NR1I2: variants seen among roughly 807,000 people sequenced by gnomAD.
NR1I2 encodes the protein nuclear receptor subfamily 1 group I member 2.
Under a neutral mutation model 43.3 loss-of-function variants are expected in NR1I2, and 42 were observed. That is an observed-to-expected ratio of 0.97 (90% confidence interval 0.76 to 1.26). NR1I2 has a LOEUF of 1.26. NR1I2 is among the 50% of genes most tolerant of loss of function. NR1I2 has a pLI of 0.00. For missense variants in NR1I2, 559 were observed against 566.7 expected (o/e 0.99, Z 0.14); for synonymous variants, 229 against 215.0 (o/e 1.06, Z -0.57).
At chr3:119,816,019 G>A (rs767430619) in intron 8 of NR1I2, among the ~76,000 whole-genome samples, 188 bp downstream of exon 8, 3 of 152,172 alleles carry the variant, frequency 2.0e-5, no homozygotes, top group East Asian at 1.9e-4. Flanking sequence ...ACAGGGGGAC[G>A]TGGCCCAGAA....
At chr3:119,815,173 A>G in intron 6 of NR1I2, 52 bp downstream of exon 6, 1 of 1,613,050 alleles carries the variant, frequency 6.2e-7, no homozygotes, top group Non-Finnish European at 8.5e-7. Context: ...CACTGCAGTT[A>G]TGGGAGGAAG....
intron 3 of NR1I2, chr3:119,810,543 A>C: frequency 6.7e-6 from 2 of 298,414 alleles, no homozygotes; most frequent in East Asian, 7.4e-5. Context: ...AGGAGTGTGA[A>C]TCTGGGGGAG....
chr3:119,803,045 C>G, intron 1 of NR1I2: 1 of 440,126 alleles, frequency 2.3e-6, no homozygotes, highest in Middle Eastern at 3.9e-4. Flanking sequence ...TGAATGAGAC[C>G]CCAGAGGCCG....
At chr3:119,799,194 C>T (rs2055042378) in intron 1 of NR1I2, among the ~76,000 whole-genome samples, 1 of 152,090 alleles carries the variant, frequency 6.6e-6, no homozygotes, top group Admixed American at 6.5e-5. Context: ...ACATTATTGC[C>T]GATTCTTACC....
chr3:119,815,041 TGA>T lies in NR1I2; in HGVS notation c.860_861del (p.Arg287IlefsTer50). The T allele has an allele frequency of 6.2e-7, 1 of 1,612,556 alleles. No individual in the cohort carries two copies. Among genetic ancestry groups the T allele is most frequent in the Non-Finnish European group, 8.5e-7 (1 of 1,178,618 alleles). On this transcript the variant is annotated frameshift_variant, in exon 6 of 9. Transcript: ENST00000393716. LOFTEE classifies it high-confidence loss of function. ...GGGGCCGCTTTCGAGCTGTGTCAAC[TGA>T]GATTCAACACAGTGTTCAACGCGGA...
intron 1 of NR1I2, among the ~76,000 whole-genome samples, chr3:119,802,173 G>A (rs2055091411): frequency 6.6e-6 from 1 of 152,290 alleles, no homozygotes; most frequent in Non-Finnish European, 1.5e-5. Flanking sequence ...GGGTTCTCTA[G>A]CGGGGGCTTC....
At chr3:119,809,547 TGGGGGGAAGGCG>T (rs1187867646) in intron 2 of NR1I2, among the ~76,000 whole-genome samples, 26 of 13,360 alleles carry the variant, frequency 1.9e-3, no homozygotes, top group African/African-American at 4.1e-3. Context: ...CGGCGGGGGG[TGGGGGGAAGGCG>T]GGGGGGAAGG....
chr3:119,796,239 A>C (rs1336410702), intron 1 of NR1I2, among the ~76,000 whole-genome samples: 1 of 152,184 alleles, frequency 6.6e-6, no homozygotes. Context: ...TCACGGCTTA[A>C]TCCCCTGTTG....
At chr3:119,815,925 T>C (rs2107979468) in intron 8 of NR1I2, 94 bp downstream of exon 8, 1 of 1,050,226 alleles carries the variant, frequency 9.5e-7, no homozygotes, top group East Asian at 2.6e-5. Flanking sequence ...GAGGGTGGCA[T>C]CTGGAGGTAG....
Position 119,811,609 on chromosome 3 carries a change from G to A in NR1I2, c.402G>A (p.Gly134=). Reference sequence around the variant, plus strand: ...AGCGGAAGAAAAGTGAACGGACAGGGACTCAGCCACTGGGAGTGCAGGGGC... The same window carrying A: ...AGCGGAAGAAAAGTGAACGGACAGGAACTCAGCCACTGGGAGTGCAGGGGC... The change falls in exon 4 of 9, where the codon GGG becomes GGA. Residue 134 remains glycine, a synonymous_variant. Transcript: ENST00000393716. 1 of 1,614,004 alleles carries A rather than the reference G, an allele frequency of 6.2e-7. No homozygotes were observed. The highest frequency in any genetic ancestry group is 8.5e-7 in the Non-Finnish European group (1 of 1,179,962).
At position 119,815,765 on chromosome 3, in the gene NR1I2, T is replaced by A. The variant is rs1259023751; in HGVS notation, c.1094T>A (p.Leu365Gln). 6.2e-7 allele frequency: 1 copy of A among 1,613,854 alleles called. No individual in the cohort carries two copies. The highest frequency in any genetic ancestry group is 1.1e-5 in the South Asian group (1 of 90,934). The change falls in exon 8 of 9, where the codon CTG (leucine) becomes CAG (glutamine). Residue 365 changes from leucine to glutamine, a missense_variant. Leu to Gln is a moderately radical substitution (Grantham distance 113). This residue lies in a region of NR1I2 where 323 missense variants were observed against 312.2 expected (regional missense o/e 1.03). Coordinates refer to ENST00000393716, the MANE Select transcript of NR1I2 (RefSeq NM_003889.4). ...CTGCAGCACCGCGTGGTGGACCAGC[T>A]GCAGGAGCAATTCGCCATTACTCTG...
intron 4 of NR1I2, among the ~76,000 whole-genome samples, chr3:119,812,073 A>G (rs2055251848): frequency 6.6e-6 from 1 of 152,180 alleles, no homozygotes; most frequent in Admixed American, 6.5e-5. Context: ...GCAGGTAGGA[A>G]CTGGGTCTAA....
chr3:119,799,343 T>C (rs1559785908), intron 1 of NR1I2, among the ~76,000 whole-genome samples: 1 of 152,240 alleles, frequency 6.6e-6, no homozygotes, highest in Non-Finnish European at 1.5e-5. Context: ...TGGTGAAATA[T>C]CTATTTTAAT....
At position 119,812,730 on chromosome 3, in the gene NR1I2, G is replaced by A. The variant is rs1238981809; in HGVS notation, c.564G>A (p.Leu188=). Residue 188 remains leucine, a synonymous_variant, in exon 5 of 9, where the codon CTG becomes CTA. Coordinates refer to ENST00000393716, the MANE Select transcript of NR1I2 (RefSeq NM_003889.4). The stretch of plus-strand genomic sequence containing the variant: ...GTGGCTGCGAGTTGCCAGAGTCTCT[G>A]CAGGCCCCATCGAGGGAAGAAGCTG... 4 of 1,614,068 alleles carry A rather than the reference G, an allele frequency of 2.5e-6. No homozygotes were observed. The highest frequency in any genetic ancestry group is 3.4e-6 in the Non-Finnish European group (4 of 1,180,048).
intron 1 of NR1I2, chr3:119,792,294 GC>G: frequency 6.8e-7 from 1 of 1,474,682 alleles, no homozygotes; most frequent in Non-Finnish European, 9.4e-7. Context: ...GGAGCGAGCA[GC>G]CACCTTTGGG....
intron 1 of NR1I2, among the ~76,000 whole-genome samples, chr3:119,799,016 T>C (rs2055040381): frequency 6.6e-6 from 1 of 152,200 alleles, no homozygotes; most frequent in Non-Finnish European, 1.5e-5. Flanking sequence ...TGTGTGCAGT[T>C]TTTGTGTGTG....
chr3:119,811,909 G>C (rs1577284887), intron 4 of NR1I2, among the ~76,000 whole-genome samples, 183 bp downstream of exon 4: 1 of 152,220 alleles, frequency 6.6e-6, no homozygotes, highest in Non-Finnish European at 1.5e-5. Context: ...ATTCCCAAAG[G>C]TTCTGAAAGT....
At chr3:119,805,595 C>CA (rs2107966830) in intron 1 of NR1I2, among the ~76,000 whole-genome samples, 1 of 151,786 alleles carries the variant, frequency 6.6e-6, no homozygotes, top group South Asian at 2.1e-4. Flanking sequence ...CCCAGCTACT[C>CA]AAGAGGCAGA....
chr3:119,790,541 C>T (rs1241310525), intron 1 of NR1I2, among the ~76,000 whole-genome samples: 1 of 152,160 alleles, frequency 6.6e-6, no homozygotes, highest in East Asian at 1.9e-4. Context: ...CCAAGGTTCC[C>T]ATTTGTCTAC....
Sources: gnomAD v4.1 joint callset for allele counts (sites outside exome capture counted in the v4.1 genomes callset) on GRCh38, gnomAD v4.1.1 for gene constraint, gnomAD v4.1.1 regional missense constraint, MANE v1.5 for transcripts, NCBI Gene and HGNC (gene_info 2026-07-23, HGNC 2026-07-21) for gene names.